Variants in SLC35E2B observed in about 807,000 individuals in gnomAD.
SLC35E2B encodes the protein solute carrier family 35 member E2B, also known as solute carrier family 35, member E2B.
In SLC35E2B, 18 loss-of-function variants were observed where a neutral mutation model predicts 32.4. That is an observed-to-expected ratio of 0.56 (90% CI 0.38 to 0.82). The LOEUF (loss-of-function observed/expected upper bound fraction) is 0.82, where lower values mean the gene tolerates loss of function less well. Among genes scored for constraint, SLC35E2B ranks in the 40% least tolerant of loss-of-function variants. The pLI, the probability that SLC35E2B is intolerant of heterozygous loss-of-function variation, is 0.00. For missense variants in SLC35E2B, 263 were observed against 469.5 expected (o/e 0.56, Z 4.06); for synonymous variants, 132 against 209.1 (o/e 0.63, Z 3.18).
chr1:1,684,733 T>C (rs867382442), intron 2 of SLC35E2B, among the ~76,000 whole-genome samples: 1 of 133,210 alleles, frequency 7.5e-6, no homozygotes, highest in Non-Finnish European at 1.5e-5. Flanking sequence ...GAGCTTGCAG[T>C]GAGCCGAGAT....
chr1:1,678,480 G>A (rs776419806), intron 2 of SLC35E2B, among the ~76,000 whole-genome samples: 6 of 151,952 alleles, frequency 3.9e-5, no homozygotes, highest in Non-Finnish European at 7.4e-5. Flanking sequence ...GTGTGTCTGT[G>A]CACCCAGGTC....
At chr1:1,679,132 C>T (rs773935527) in intron 2 of SLC35E2B, among the ~76,000 whole-genome samples, 25 of 152,276 alleles carry the variant, frequency 1.6e-4, no homozygotes, top group South Asian at 4.2e-4. Flanking sequence ...CCACCACCAG[C>T]GAGTTTCTAA....
At chr1:1,670,262 G>A (rs889061130) in intron 6 of SLC35E2B, 111 bp from the exon 7 acceptor site, 28 of 761,536 alleles carry the variant, frequency 3.7e-5, no homozygotes, top group African/African-American at 8.8e-5. Flanking sequence ...CCAGACCTCA[G>A]TGGTGCCCGC....
chr1:1,671,796 C>T (rs1312911211), intron 5 of SLC35E2B, among the ~76,000 whole-genome samples, 167 bp from the exon 6 acceptor site: 2 of 152,202 alleles, frequency 1.3e-5, no homozygotes, highest in Admixed American at 6.5e-5. Flanking sequence ...AATCAAAGTC[C>T]GTGTCTGCAA....
intron 2 of SLC35E2B, among the ~76,000 whole-genome samples, chr1:1,688,241 C>T (rs1255182905): frequency 6.6e-6 from 1 of 152,060 alleles, no homozygotes; most frequent in Non-Finnish European, 1.5e-5. Flanking sequence ...AATGAGAAGC[C>T]ACCATCTGGC....
Position 1,663,171 on chromosome 1 carries a change from A to G in SLC35E2B, c.*2611T>C. The G allele has an allele frequency of 2.2e-6, 2 of 916,518 alleles. No individual in the cohort carries two copies. Among genetic ancestry groups the G allele is most frequent in the Non-Finnish European group, 1.3e-6 (1 of 766,360 alleles). 56.8% of individuals were successfully genotyped at this position (916,518 alleles called of 1,614,324 possible). ...GGAAGAGGCCCCAGAGCAGCGTTAC[A>G]CAGGAAATTACCCTATTTGCTAATC... On this transcript the variant is annotated 3_prime_UTR_variant, in exon 10 of 10. Transcript: ENST00000617444.
chr1:1,683,134 G>A (rs527488454), intron 2 of SLC35E2B, among the ~76,000 whole-genome samples: 2 of 152,252 alleles, frequency 1.3e-5, no homozygotes, highest in African/African-American at 4.8e-5. Flanking sequence ...GGAATGCACA[G>A]TTTCTCTGCA....
In SLC35E2B at chr1:1,663,979, C is replaced by T. The variant is rs1393451533; in HGVS notation, c.*1803G>A. On this transcript the variant is annotated 3_prime_UTR_variant, in exon 10 of 10. Coordinates refer to ENST00000617444, the MANE Select transcript of SLC35E2B (RefSeq NM_001290264.2). ...GCTGAGTGGGAAGGATTGCTTGAGC[C>T]GAGGAGTTCAAGACCAGCCTGGGCA... 6.7e-5 allele frequency: 23 copies of T among 343,100 alleles called. No individual in the cohort carries two copies. The highest frequency in any genetic ancestry group is 3.2e-4 in the African/African-American group (15 of 46,282). 21.3% of individuals were successfully genotyped at this position (343,100 alleles called of 1,614,324 possible).
intron 2 of SLC35E2B, among the ~76,000 whole-genome samples, chr1:1,679,106 C>T (rs541723254): frequency 9.2e-5 from 14 of 152,206 alleles, no homozygotes; most frequent in East Asian, 5.8e-4. Context: ...TCACAGCACC[C>T]GCTACACAGG....
Position 1,664,108 on chromosome 1 carries a change from A to G in SLC35E2B, c.*1674T>C. 2.0e-6 allele frequency: 1 copy of G among 494,542 alleles called. No individual in the cohort carries two copies. Among genetic ancestry groups the G allele is most frequent in the Non-Finnish European group, 2.6e-6 (1 of 380,520 alleles). 30.6% of individuals were successfully genotyped at this position (494,542 alleles called of 1,614,324 possible). On this transcript the variant is annotated 3_prime_UTR_variant, in exon 10 of 10. Coordinates refer to ENST00000617444, the MANE Select transcript of SLC35E2B (RefSeq NM_001290264.2). ...TGAGGTGGGAGGATCATTTGAGCCC[A>G]GGAAGTCGAGGCTGCAGTGAGCCAA...
intron 5 of SLC35E2B, 68 bp from the exon 6 acceptor site, chr1:1,671,697 T>C (rs1643697139): frequency 3.6e-6 from 5 of 1,394,500 alleles, no homozygotes; most frequent in Non-Finnish European, 4.7e-6. Flanking sequence ...AGGGCCAGGC[T>C]GTTTCCATCC....
Position 1,665,617 on chromosome 1 carries a change from T to A in SLC35E2B, c.*165A>T. On this transcript the variant is annotated 3_prime_UTR_variant, in exon 10 of 10. Transcript: ENST00000617444. ...GAAGCTGATACCTGGAATCCCCAGT[T>A]TGAGTTTCTGCTGGTCTTCACCGAC... 9.0e-7 allele frequency: 1 copy of A among 1,110,300 alleles called. No homozygotes were observed. The allele number at this position is 1,110,300 out of a possible 1,614,324, so 68.8% of individuals were successfully genotyped here.
Position 1,665,036 on chromosome 1 carries a change from G to A in SLC35E2B, c.*746C>T. ...AAACCCCCACAGGTAGGAGGGCAGG[G>A]TGCCCTGGGGTTGCGGGGAGCTCAC... is the stretch of plus-strand genomic sequence containing the variant. On this transcript the variant is annotated 3_prime_UTR_variant, in exon 10 of 10. Coordinates refer to ENST00000617444, the MANE Select transcript of SLC35E2B (RefSeq NM_001290264.2). 1 of 928,208 alleles carries A rather than the reference G, an allele frequency of 1.1e-6. No individual in the cohort carries two copies. 57.5% of individuals were successfully genotyped at this position (928,208 alleles called of 1,614,324 possible). A position where few individuals can be genotyped will look rare whatever the true frequency, so the allele number is the denominator to read the frequency against.
At chr1:1,675,283 C>T (rs1375095980) in intron 5 of SLC35E2B, among the ~76,000 whole-genome samples, 180 bp downstream of exon 5, 1 of 150,424 alleles carries the variant, frequency 6.6e-6, no homozygotes, top group Non-Finnish European at 1.5e-5. Context: ...CTGGCAGACG[C>T]CAGGCTCCAA....
At position 1,671,546 on chromosome 1, in the gene SLC35E2B, C is replaced by T; in HGVS notation, c.670G>A (p.Gly224Arg). ...TTGGTGGACAGTGCGGCCGAGAACC[C>T]CAGGACATTGAAGCTGATCTCAGTG... ...TATEISFNVL[G>R]FSAALSTNIM... Residue 224 changes from glycine (G) to arginine (R), a missense_variant, in exon 6 of 10, where the codon GGG (glycine) becomes AGG (arginine). Gly to Arg is a moderately radical substitution (Grantham distance 125). Around this residue, in one of 7 missense-constraint regions of SLC35E2B, gnomAD observed 129 missense variants for 164.5 expected, o/e 0.78. Coordinates refer to ENST00000617444, the MANE Select transcript of SLC35E2B (RefSeq NM_001290264.2). 6.5e-7 allele frequency: 1 copy of T among 1,549,414 alleles called. No homozygotes were observed. The highest frequency in any genetic ancestry group is 1.4e-5 in the African/African-American group (1 of 72,996).
Position 1,677,455 on chromosome 1 carries a change from A to G in SLC35E2B, c.-147-609T>C, listed in dbSNP as rs1257551984. Among the ~76,000 whole-genome samples the G allele has an allele frequency of 7.3e-5, 11 of 149,722 alleles. 1 individual carries two copies. Among genetic ancestry groups the G allele is most frequent in the African/African-American group, 2.7e-4 (11 of 40,618 alleles). On this transcript the variant is annotated intron_variant, in intron 2 of 9. Transcript: ENST00000617444. ...CTGCCGCTGTCGGGTGCCCAGGACT[A>G]ATTCCATGCTACTTTCTTTTTCCTT...
At position 1,689,474 on chromosome 1, in the gene SLC35E2B, T is replaced by C. The variant is rs190638663; in HGVS notation, c.-148+1502A>G. On this transcript the variant is annotated intron_variant, in intron 2 of 9. Coordinates refer to ENST00000617444, the MANE Select transcript of SLC35E2B (RefSeq NM_001290264.2). The stretch of plus-strand genomic sequence containing the variant: ...GACACACGAAGGAAAGACACGGCTT[T>C]GCAGCAGCAGGGTCACGATTCGAAC... Among the ~76,000 whole-genome samples the C allele has an allele frequency of 4.6e-5, 7 of 151,222 alleles. No homozygotes were observed. In the East Asian group the frequency reaches 9.7e-4, roughly 21 times the overall value.
At chr1:1,671,329 A>G (rs1643681691) in intron 6 of SLC35E2B, 180 bp downstream of exon 6, 3 of 664,876 alleles carry the variant, frequency 4.5e-6, no homozygotes, top group Non-Finnish European at 2.2e-6. Flanking sequence ...ATTTCGGCTT[A>G]TTTTTGAGAA....
chr1:1,688,461 A>T (rs1643978800), intron 2 of SLC35E2B, among the ~76,000 whole-genome samples: 1 of 151,736 alleles, frequency 6.6e-6, no homozygotes, highest in East Asian at 1.9e-4. Context: ...TTAGCCGGGC[A>T]TGATGGCGCG....
Sources: allele counts gnomAD v4.1 joint callset (sites outside exome capture counted in the v4.1 genomes callset), GRCh38; gene constraint gnomAD v4.1.1; regional missense constraint gnomAD v4.1.1; transcripts MANE v1.5; gene names NCBI Gene and HGNC (gene_info 2026-07-23, HGNC 2026-07-21).